The following IL34 variants were observed in gnomAD, a reference collection of about 807,000 sequenced individuals.
IL34 encodes interleukin-34.
IL34 carries 17 observed loss-of-function variants against 25.3 expected under a neutral mutation model. That is an observed-to-expected ratio of 0.67 (90% CI 0.46 to 1.01). The LOEUF (loss-of-function observed/expected upper bound fraction) is 1.01. Ranked by LOEUF, IL34 falls within the 50% of genes least tolerant of loss-of-function variation. The pLI is 0.00. For synonymous variants in IL34, 174 were observed against 140.9 expected (o/e 1.23, Z -1.66); for missense variants, 368 against 312.9 (o/e 1.18, Z -1.33).
chr16:70,618,619 G>GA (rs1016932461), intron 1 of IL34, among the ~76,000 whole-genome samples: 39 of 152,224 alleles, frequency 2.6e-4, no homozygotes, highest in Non-Finnish European at 5.0e-4. Context: ...TGTTTGGACA[G>GA]AAAGGTTACA....
chr16:70,651,247 C>G (rs1239570292), intron 1 of IL34, among the ~76,000 whole-genome samples: 7 of 151,948 alleles, frequency 4.6e-5, no homozygotes, highest in Admixed American at 6.6e-5. Flanking sequence ...GTACCTAGCG[C>G]AGGGCAAAGC....
chr16:70,633,873 CAG>C (rs1231067688), intron 1 of IL34, among the ~76,000 whole-genome samples: 4 of 151,292 alleles, frequency 2.6e-5, no homozygotes, highest in Non-Finnish European at 5.9e-5. Context: ...TTTTTTGAGA[CAG>C]AGTCTCGCAT....
intron 1 of IL34, among the ~76,000 whole-genome samples, chr16:70,597,058 T>A (rs1427685366): frequency 6.6e-6 from 1 of 152,132 alleles, no homozygotes; most frequent in Admixed American, 6.6e-5. Context: ...CTCAGGTGGG[T>A]GCCTGCTGCT....
intron 1 of IL34, among the ~76,000 whole-genome samples, chr16:70,623,960 G>GAAGGGAAA (rs201125472): frequency 3.5e-5 from 5 of 141,872 alleles, no homozygotes; most frequent in Admixed American, 1.4e-4. Context: ...TATTGATTAA[G>GAAGGGAAA]GCGACGGACT....
At position 70,615,192 on chromosome 16, in the gene IL34, T is replaced by C. The variant is rs566931364; in HGVS notation, c.-400-31356T>C. 2.6e-5 allele frequency among the ~76,000 whole-genome samples: 4 copies of C among 152,280 alleles called. No individual in the cohort carries two copies. The South Asian group carries it at 8.3e-4, about 32-fold the overall frequency. ...AAAGTCCATCGAATTCTAGACTTAT[T>C]TGGGTTAACAAACATCTTCTTTTAA... On this transcript the variant is annotated intron_variant, in intron 1 of 6. Transcript: ENST00000429149.
chr16:70,648,847 G>A lies in IL34; in HGVS notation c.28+1872G>A, dbSNP rs925809656. Among the ~76,000 whole-genome samples, 6 of 152,236 alleles carry A rather than the reference G, an allele frequency of 3.9e-5. No homozygotes were observed. In the East Asian group the frequency reaches 7.7e-4, roughly 20 times the overall value. On this transcript the variant is annotated intron_variant, in intron 1 of 5. Transcript: ENST00000288098. The stretch of plus-strand genomic sequence containing the variant: ...GAGATCAGGGTGCCTGCAGGGCTGC[G>A]TTCCCTCTAAAGGTGCCGAGAAGGA...
At chr16:70,656,070 C>T (rs937418294) in intron 2 of IL34, among the ~76,000 whole-genome samples, 1 of 152,216 alleles carries the variant, frequency 6.6e-6, no homozygotes. Flanking sequence ...TGTCCTCACT[C>T]TTGAGCCTGA....
chr16:70,599,262 A>AATGT (rs1445816612), intron 1 of IL34, among the ~76,000 whole-genome samples: 2 of 84,466 alleles, frequency 2.4e-5, no homozygotes, highest in African/African-American at 1.1e-4. Flanking sequence ...TATGTCAAGA[A>AATGT]CTGTTTCTTT....
intron 1 of IL34, among the ~76,000 whole-genome samples, chr16:70,631,974 A>T (rs751093820): frequency 1.3e-5 from 2 of 152,018 alleles, no homozygotes; most frequent in Non-Finnish European, 2.9e-5. Flanking sequence ...GCTGTTGTGT[A>T]CCTGTAATCC....
At chr16:70,636,367 C>G (rs556961482) in intron 1 of IL34, among the ~76,000 whole-genome samples, 1 of 152,182 alleles carries the variant, frequency 6.6e-6, no homozygotes, top group East Asian at 1.9e-4. Flanking sequence ...GCATGTTTTC[C>G]TTTGGTTCAT....
chr16:70,623,601 C>T (rs1282273518), intron 1 of IL34, among the ~76,000 whole-genome samples: 5 of 151,948 alleles, frequency 3.3e-5, no homozygotes, highest in East Asian at 3.9e-4. Context: ...CATGATCAGT[C>T]GCCAAGGAGG....
chr16:70,653,638 C>T (rs930120394), intron 1 of IL34, among the ~76,000 whole-genome samples: 7 of 151,326 alleles, frequency 4.6e-5, no homozygotes, highest in African/African-American at 1.7e-4. Context: ...TTCTAGGATG[C>T]AATGAGCCAT....
chr16:70,587,723 G>A (rs1489485751), intron 1 of IL34, among the ~76,000 whole-genome samples: 4 of 151,500 alleles, frequency 2.6e-5, no homozygotes, highest in Non-Finnish European at 5.9e-5. Context: ...CTTCAGGATG[G>A]CTGCTATCAA....
At chr16:70,623,776 A>G (rs1334501240) in intron 1 of IL34, among the ~76,000 whole-genome samples, 1 of 151,368 alleles carries the variant, frequency 6.6e-6, no homozygotes, top group Admixed American at 6.6e-5. Flanking sequence ...TAATAAGGGA[A>G]CTGGGCAGGT....
At chr16:70,586,121 C>T (rs1488011820) in intron 1 of IL34, among the ~76,000 whole-genome samples, 2 of 152,140 alleles carry the variant, frequency 1.3e-5, no homozygotes, top group African/African-American at 2.4e-5. Flanking sequence ...CATGAGCCAC[C>T]GCCCCCAGCC....
intron 1 of IL34, among the ~76,000 whole-genome samples, chr16:70,581,592 A>C (rs1356737837): frequency 6.6e-6 from 1 of 152,156 alleles, no homozygotes; most frequent in Non-Finnish European, 1.5e-5. Context: ...CCATGGTGGC[A>C]GAATGGGCTG....
In IL34 at chr16:70,591,211, A is replaced by G. The variant is rs149142603; in HGVS notation, c.-401+11162A>G. On this transcript the variant is annotated intron_variant, in intron 1 of 6. Transcript: ENST00000429149. ...GCCTTTTGTGCAACTGTGTTTTCCA[A>G]CTCAGCTCTCTGGGTGCCAAGACCT... Among the ~76,000 whole-genome samples the G allele has an allele frequency of 8.3e-3, 1,263 of 152,030 alleles. 4 individuals are homozygous for G. The highest frequency in any genetic ancestry group is 0.012 in the Non-Finnish European group (819 of 67,970).
At chr16:70,623,207 G>A (rs1471600842) in intron 1 of IL34, among the ~76,000 whole-genome samples, 5 of 152,034 alleles carry the variant, frequency 3.3e-5, no homozygotes, top group Non-Finnish European at 5.9e-5. Context: ...TGGGTGTCAG[G>A]GTCAGTCCAA....
chr16:70,607,826 G>A (rs186335264), intron 1 of IL34, among the ~76,000 whole-genome samples: 6 of 151,818 alleles, frequency 4.0e-5, no homozygotes, highest in Admixed American at 6.6e-5. Context: ...GTGCAGTGGC[G>A]TGATCTCGGC....
Sources: allele counts gnomAD v4.1 joint callset (sites outside exome capture counted in the v4.1 genomes callset), GRCh38; gene constraint gnomAD v4.1.1; transcripts MANE v1.5; gene names NCBI Gene and HGNC (gene_info 2026-07-23, HGNC 2026-07-21).